The following TAF3 variants were observed in gnomAD, a reference collection of about 807,000 sequenced individuals.
The protein encoded by TAF3 is transcription initiation factor TFIID subunit 3.
A neutral mutation model predicts 80.6 loss-of-function variants in TAF3; 7 were observed. That is an observed-to-expected ratio of 0.09 (90% CI 0.05 to 0.16). TAF3 has a LOEUF of 0.16. TAF3 is among the 10% of genes least tolerant of loss of function. TAF3 has a pLI of 1.00. For missense variants in TAF3, 921 were observed against 1,140.2 expected (o/e 0.81, Z 2.77); for synonymous variants, 444 against 446.1 (o/e 1.00, Z 0.06).
chr10:7,867,479 T>C (rs900597243), intron 2 of TAF3, among the ~76,000 whole-genome samples: 12 of 152,180 alleles, frequency 7.9e-5, no homozygotes, highest in African/African-American at 2.9e-4. Flanking sequence ...ACCCTGGCTC[T>C]GAAATTAGCC....
intron 4 of TAF3, among the ~76,000 whole-genome samples, chr10:8,000,880 C>T (rs945771993): frequency 1.3e-5 from 2 of 152,192 alleles, no homozygotes; most frequent in African/African-American, 4.8e-5. Flanking sequence ...AGTATACACT[C>T]ATACCTTCTT....
intron 2 of TAF3, among the ~76,000 whole-genome samples, chr10:7,923,663 C>T (rs1036918596): frequency 3.6e-4 from 54 of 151,160 alleles, no homozygotes; most frequent in African/African-American, 1.2e-3. Flanking sequence ...AATAGAGTAG[C>T]GGATACCTGA....
At chr10:8,013,176 G>A (rs1832070414) in intron 5 of TAF3, among the ~76,000 whole-genome samples, 1 of 152,178 alleles carries the variant, frequency 6.6e-6, no homozygotes, top group South Asian at 2.1e-4. Context: ...AAAGGGAATG[G>A]AAAGTTACTT....
chr10:7,917,572 G>A (rs890012846), intron 2 of TAF3, among the ~76,000 whole-genome samples: 1 of 152,204 alleles, frequency 6.6e-6, no homozygotes, highest in African/African-American at 2.4e-5. Context: ...AGGAGTTTTG[G>A]TCAAGGATGC....
At chr10:7,957,289 C>T (rs922006885) in intron 2 of TAF3, among the ~76,000 whole-genome samples, 4 of 151,728 alleles carry the variant, frequency 2.6e-5, no homozygotes, top group Admixed American at 6.6e-5. Context: ...TTAGGGCAGA[C>T]GATGGGGAGA....
chr10:7,921,478 T>TC (rs1020351913), intron 2 of TAF3, among the ~76,000 whole-genome samples: 7 of 152,168 alleles, frequency 4.6e-5, no homozygotes, highest in African/African-American at 1.7e-4. Context: ...AAACTTCAGG[T>TC]CATGACCCAT....
At chr10:7,970,095 A>C (rs1447444671) in intron 3 of TAF3, among the ~76,000 whole-genome samples, 1 of 152,248 alleles carries the variant, frequency 6.6e-6, no homozygotes, top group Non-Finnish European at 1.5e-5. Context: ...TAAGTAGAGG[A>C]CTACAACAGT....
chr10:7,956,020 G>A (rs181551008), intron 2 of TAF3, among the ~76,000 whole-genome samples: 343 of 152,226 alleles, frequency 2.3e-3, no homozygotes, highest in African/African-American at 7.9e-3. Flanking sequence ...AAAGGATCGT[G>A]ATGTCTACAA....
chr10:7,931,118 T>TAA (rs1302516919), intron 2 of TAF3, among the ~76,000 whole-genome samples: 1 of 152,218 alleles, frequency 6.6e-6, no homozygotes, highest in Non-Finnish European at 1.5e-5. Context: ...TTTATTTAGA[T>TAA]ATTATACTTG....
intron 2 of TAF3, among the ~76,000 whole-genome samples, chr10:7,882,435 G>GA (rs1837370649): frequency 6.6e-6 from 1 of 152,096 alleles, no homozygotes; most frequent in African/African-American, 2.4e-5. Context: ...ATGAGAAAAG[G>GA]AATCTTCAGA....
At chr10:7,935,326 G>A (rs969339648) in intron 2 of TAF3, among the ~76,000 whole-genome samples, 6 of 151,898 alleles carry the variant, frequency 4.0e-5, no homozygotes, top group African/African-American at 1.2e-4. Flanking sequence ...GGCCAGGCGC[G>A]GTGGCTTATG....
At chr10:7,859,125 G>A (rs1029674420) in intron 2 of TAF3, among the ~76,000 whole-genome samples, 3 of 152,024 alleles carry the variant, frequency 2.0e-5, no homozygotes, top group Non-Finnish European at 4.4e-5. Flanking sequence ...AGCTGGGCGT[G>A]TGGTGGGCAC....
intron 2 of TAF3, among the ~76,000 whole-genome samples, chr10:7,943,132 G>A (rs1401962930): frequency 1.3e-5 from 2 of 152,110 alleles, no homozygotes; most frequent in African/African-American, 2.4e-5. Flanking sequence ...CTGTGGTTCC[G>A]GTTCCCTGTA....
intron 2 of TAF3, among the ~76,000 whole-genome samples, chr10:7,927,354 G>A (rs1837825834): frequency 6.6e-6 from 1 of 152,152 alleles, no homozygotes; most frequent in African/African-American, 2.4e-5. Context: ...CCAACATGTT[G>A]GTGGTTGGAA....
At chr10:7,873,341 T>C (rs1215990574) in intron 2 of TAF3, among the ~76,000 whole-genome samples, 2 of 152,192 alleles carry the variant, frequency 1.3e-5, no homozygotes, top group African/African-American at 2.4e-5. Context: ...TTTCATTGAC[T>C]TACTTTGTAT....
chr10:7,938,075 C>T (rs541695736), intron 2 of TAF3, among the ~76,000 whole-genome samples: 4 of 152,282 alleles, frequency 2.6e-5, no homozygotes, highest in African/African-American at 9.6e-5. Flanking sequence ...GTATGAATGT[C>T]TTTATTAATA....
chr10:7,937,858 G>A (rs189531928), intron 2 of TAF3, among the ~76,000 whole-genome samples: 122 of 152,184 alleles, frequency 8.0e-4, no homozygotes, highest in Middle Eastern at 3.4e-3. Flanking sequence ...TAGAAGTGTC[G>A]GCAAAGGAAC....
Position 7,820,489 on chromosome 10 carries a change from T to C in TAF3, c.166+1614T>C, listed in dbSNP as rs56822953. On this transcript the variant is annotated intron_variant, in intron 1 of 6. Transcript: ENST00000344293. ...TGTTTTGAATGCTTGATTTCACTGA[T>C]ACTTCTATTACTCTTCTTCTTTTGA... Among the ~76,000 whole-genome samples, 1,256 of 152,352 alleles carry C rather than the reference T, an allele frequency of 8.2e-3. 26 individuals are homozygous for C. Among genetic ancestry groups the C allele is most frequent in the African/African-American group, 0.028 (1,178 of 41,586 alleles).
chr10:8,005,881 G>T (rs1011679791), intron 4 of TAF3, among the ~76,000 whole-genome samples: 1 of 152,130 alleles, frequency 6.6e-6, no homozygotes, highest in Non-Finnish European at 1.5e-5. Flanking sequence ...TACTTATTAA[G>T]ATCACAGGCT....
Sources: allele counts gnomAD v4.1 joint callset (sites outside exome capture counted in the v4.1 genomes callset), GRCh38; gene constraint gnomAD v4.1.1; transcripts MANE v1.5; gene names NCBI Gene and HGNC (gene_info 2026-07-23, HGNC 2026-07-21).